IL1RAPL1: variants seen among roughly 807,000 people sequenced by gnomAD.
The protein encoded by IL1RAPL1 is interleukin-1 receptor accessory protein-like 1.
In IL1RAPL1, 3 loss-of-function variants were observed where a neutral mutation model predicts 48.4. The ratio of observed to expected loss-of-function variants is 0.06; its 90% CI spans 0.03 to 0.16. IL1RAPL1 has a LOEUF of 0.16. Among genes scored for constraint, IL1RAPL1 ranks in the 10% least tolerant of loss-of-function variants. The pLI is 1.00. For synonymous variants in IL1RAPL1, 185 were observed against 187.7 expected, an observed-to-expected ratio of 0.99 and a Z score of 0.12; for missense variants, 349 against 530.6, an observed-to-expected ratio of 0.66 and a Z score of 3.36.
intron 2 of IL1RAPL1, among the ~76,000 whole-genome samples, chrX:29,159,626 AT>A (rs1387574993): frequency 2.7e-5 from 3 of 112,359 alleles, no homozygotes; most frequent in Non-Finnish European, 3.8e-5. Flanking sequence ...CATCAATTGG[AT>A]AGCCCAGCAT....
At chrX:28,674,698 G>A (rs775953322) in intron 1 of IL1RAPL1, among the ~76,000 whole-genome samples, 3 of 111,380 alleles carry the variant, frequency 2.7e-5, no homozygotes, top group Non-Finnish European at 5.7e-5. Context: ...GAATTTTTAC[G>A]TTTTTTCTTG....
intron 1 of IL1RAPL1, among the ~76,000 whole-genome samples, chrX:28,738,098 G>T (rs1935866044): frequency 9.0e-6 from 1 of 111,519 alleles, no homozygotes; most frequent in African/African-American, 3.3e-5. Context: ...GCAATTTGCA[G>T]CCAGAAAATC....
rs368832526 is a variant in IL1RAPL1, at chrX:29,377,243, G to T, written c.363-19015G>T. On this transcript the variant is annotated intron_variant, in intron 3 of 10. Transcript: ENST00000378993. ...TGCATCCCTTTACTTTGAGTCTGTG[G>T]GGGTGTCATTAGATGTAAAGATGGG... Among the ~76,000 whole-genome samples the T allele has an allele frequency of 6.2e-5, 7 of 112,073 alleles. No individual in the cohort carries two copies. In the East Asian group the frequency reaches 1.1e-3, roughly 18 times the overall value.
chrX:29,490,852 G>GTGTATATATATATATATACGTA (rs1556022575), intron 5 of IL1RAPL1, among the ~76,000 whole-genome samples: 1 of 93,667 alleles, frequency 1.1e-5, no homozygotes, highest in African/African-American at 5.0e-5. Context: ...GTGTGTGTGT[G>GTGTATATATATATATATACGTA]TATATATATA....
At chrX:29,251,463 T>C (rs1931617578) in intron 2 of IL1RAPL1, among the ~76,000 whole-genome samples, 1 of 111,588 alleles carries the variant, frequency 9.0e-6, no homozygotes, top group Admixed American at 9.6e-5. Flanking sequence ...AGTAGGACAG[T>C]TATATTTATA....
At chrX:28,964,978 C>T (rs1055034120) in intron 2 of IL1RAPL1, among the ~76,000 whole-genome samples, 3 of 111,238 alleles carry the variant, frequency 2.7e-5, no homozygotes, top group Non-Finnish European at 5.7e-5. Flanking sequence ...TTGTCTTGTT[C>T]TTGGCTTTGT....
At chrX:29,460,797 A>C (rs1434251618) in intron 5 of IL1RAPL1, among the ~76,000 whole-genome samples, 1 of 112,065 alleles carries the variant, frequency 8.9e-6, no homozygotes, top group Admixed American at 9.5e-5. Flanking sequence ...ACCTTCACAA[A>C]AACACTAAAG....
At chrX:28,718,726 A>G (rs1317749282) in intron 1 of IL1RAPL1, among the ~76,000 whole-genome samples, 5 of 112,140 alleles carry the variant, frequency 4.5e-5, no homozygotes. Flanking sequence ...CTTACACTTT[A>G]TCAAGCTAAA....
chrX:29,239,081 A>G (rs1931360478), intron 2 of IL1RAPL1, among the ~76,000 whole-genome samples: 1 of 112,205 alleles, frequency 8.9e-6, no homozygotes, highest in South Asian at 3.7e-4. Context: ...GCTTTCTTTA[A>G]AAAGATGACA....
intron 5 of IL1RAPL1, among the ~76,000 whole-genome samples, chrX:29,422,326 G>A (rs762459668): frequency 5.7e-4 from 63 of 111,012 alleles, no homozygotes; most frequent in African/African-American, 1.8e-3. Context: ...AGTCATTTGC[G>A]GGCGGGGAGA....
At chrX:29,497,602 G>T (rs772859406) in intron 5 of IL1RAPL1, among the ~76,000 whole-genome samples, 1 of 110,590 alleles carries the variant, frequency 9.0e-6, no homozygotes, top group South Asian at 3.8e-4. Context: ...TTCATTTTCA[G>T]TGTCATTCAT....
intron 2 of IL1RAPL1, among the ~76,000 whole-genome samples, chrX:28,908,693 C>T (rs189803791): frequency 1.7e-4 from 19 of 111,427 alleles, no homozygotes; most frequent in Admixed American, 8.6e-4. Flanking sequence ...CTATAAATGT[C>T]GAATATATCA....
intron 5 of IL1RAPL1, among the ~76,000 whole-genome samples, chrX:29,519,029 G>A (rs1476915020): frequency 1.8e-5 from 2 of 111,435 alleles, no homozygotes; most frequent in Non-Finnish European, 3.8e-5. Context: ...ATACACAGAT[G>A]TAGGCTGTGA....
intron 6 of IL1RAPL1, among the ~76,000 whole-genome samples, chrX:29,845,162 C>T (rs912187575): frequency 2.7e-5 from 3 of 111,689 alleles, no homozygotes; most frequent in Non-Finnish European, 3.8e-5. Flanking sequence ...GTTGCAGCAG[C>T]GCAAGGATAC....
In IL1RAPL1 at chrX:29,320,208, G is replaced by T. The variant is rs1309011071; in HGVS notation, c.362+36991G>T. 1.5e-4 allele frequency among the ~76,000 whole-genome samples: 17 copies of T among 111,974 alleles called. No homozygotes were observed. In the Admixed American group the frequency reaches 1.6e-3, roughly 11 times the overall value. ...AATGTAGAGGTCATCCAAATGTCCT[G>T]AAATTGGATGCAAATTTTTATTTCT... On this transcript the variant is annotated intron_variant, in intron 3 of 10. Coordinates refer to ENST00000378993, the MANE Select transcript of IL1RAPL1 (RefSeq NM_014271.4).
intron 2 of IL1RAPL1, among the ~76,000 whole-genome samples, chrX:28,902,007 G>A (rs1923087837): frequency 9.0e-6 from 1 of 111,238 alleles, no homozygotes; most frequent in Admixed American, 9.6e-5. Context: ...ATAATAAGGT[G>A]TACTTTTTGC....
chrX:29,655,017 G>T (rs1396640655), intron 5 of IL1RAPL1, among the ~76,000 whole-genome samples: 1 of 111,324 alleles, frequency 9.0e-6, no homozygotes, highest in African/African-American at 3.3e-5. Context: ...CTTCTAGAAT[G>T]CTTACCTTTT....
At chrX:28,851,553 A>G (rs1226198940) in intron 2 of IL1RAPL1, among the ~76,000 whole-genome samples, 1 of 111,936 alleles carries the variant, frequency 8.9e-6, no homozygotes, top group Non-Finnish European at 1.9e-5. Flanking sequence ...GAGAATGCTG[A>G]TTTTATAATG....
intron 1 of IL1RAPL1, among the ~76,000 whole-genome samples, chrX:28,725,472 G>T (rs1276574030): frequency 8.9e-6 from 1 of 111,732 alleles, no homozygotes; most frequent in African/African-American, 3.3e-5. Context: ...AATTATGATA[G>T]ATATAACTCA....
Sources: allele counts gnomAD v4.1 joint callset (sites outside exome capture counted in the v4.1 genomes callset), GRCh38; gene constraint gnomAD v4.1.1; transcripts MANE v1.5; gene names NCBI Gene and HGNC (gene_info 2026-07-23, HGNC 2026-07-21).